CPQ: variants seen among roughly 807,000 people sequenced by gnomAD.
CPQ encodes the protein carboxypeptidase Q, also known as Ser-Met dipeptidase.
In CPQ, 37 loss-of-function variants were observed where a neutral mutation model predicts 45.7. The observed-to-expected ratio is 0.81, with a 90% CI of 0.62 to 1.07. The LOEUF is 1.07. Among genes scored for constraint, CPQ ranks in the 50% least tolerant of loss-of-function variants. The pLI is 0.00. For missense variants in CPQ, 537 were observed against 572.9 expected (o/e 0.94, Z 0.64); for synonymous variants, 186 against 205.8 (o/e 0.90, Z 0.82).
At chr8:96,729,094 A>G (rs1399743213) in intron 1 of CPQ, among the ~76,000 whole-genome samples, 1 of 152,240 alleles carries the variant, frequency 6.6e-6, no homozygotes, top group Non-Finnish European at 1.5e-5. Context: ...GTAATATAGC[A>G]TGCATGAGGT....
At chr8:96,724,865 G>T (rs1809816292) in intron 1 of CPQ, among the ~76,000 whole-genome samples, 1 of 152,062 alleles carries the variant, frequency 6.6e-6, no homozygotes, top group African/African-American at 2.4e-5. Context: ...ATACTATAAG[G>T]TAGTGGTACA....
chr8:96,924,805 G>A (rs1372675062), intron 4 of CPQ, among the ~76,000 whole-genome samples: 1 of 152,166 alleles, frequency 6.6e-6, no homozygotes, highest in Non-Finnish European at 1.5e-5. Context: ...ATAAACTTCT[G>A]TGGATATTAA....
chr8:96,744,449 T>C (rs1197314289), intron 1 of CPQ, among the ~76,000 whole-genome samples: 1 of 152,240 alleles, frequency 6.6e-6, no homozygotes, highest in Non-Finnish European at 1.5e-5. Context: ...GCGTCGGTCA[T>C]GCTGGGAGCT....
intron 4 of CPQ, among the ~76,000 whole-genome samples, chr8:96,928,667 C>G (rs528567533): frequency 1.3e-5 from 2 of 152,216 alleles, no homozygotes; most frequent in South Asian, 4.2e-4. Context: ...CTGCAGCCAC[C>G]GGGCTGTGCT....
chr8:96,976,781 T>C (rs1387296048), intron 5 of CPQ, among the ~76,000 whole-genome samples: 1 of 152,118 alleles, frequency 6.6e-6, no homozygotes, highest in Non-Finnish European at 1.5e-5. Flanking sequence ...GGTGCTGGGA[T>C]AATTGGCAAG....
intron 1 of CPQ, among the ~76,000 whole-genome samples, chr8:96,676,189 C>G (rs113453012): frequency 0.024 from 3,682 of 152,020 alleles, 163 homozygotes; most frequent in African/African-American, 0.084. Context: ...TGTCACCTTA[C>G]TATGCTGTCC....
chr8:96,841,935 T>A (rs938169270), intron 3 of CPQ, among the ~76,000 whole-genome samples: 4 of 152,226 alleles, frequency 2.6e-5, no homozygotes, highest in African/African-American at 9.6e-5. Flanking sequence ...AATGACATAA[T>A]TGAAGCAATG....
At chr8:96,910,335 C>A (rs1346893208) in intron 4 of CPQ, among the ~76,000 whole-genome samples, 1 of 152,018 alleles carries the variant, frequency 6.6e-6, no homozygotes, top group Non-Finnish European at 1.5e-5. Flanking sequence ...ATATCTAGAC[C>A]CTTTGCTACC....
At chr8:96,775,811 A>C (rs1412324529) in intron 1 of CPQ, among the ~76,000 whole-genome samples, 34 of 152,158 alleles carry the variant, frequency 2.2e-4, no homozygotes, top group Admixed American at 1.8e-3. Flanking sequence ...TTACCAGTAG[A>C]ATCTCCATAC....
Position 97,029,480 on chromosome 8 carries a change from T to C in CPQ, c.1039T>C (p.Tyr347His), listed in dbSNP as rs1809859735. ...EQGGVGAFQY[Y>H]QLHKVNISNY... is the part of the protein sequence containing the mutation. ...AGGTGGAGTTGGTGCCTTCCAGTAT[T>C]ATCAGTTACACAAGGTAAAAACCCA... Residue 347 changes from tyrosine (Y) to histidine (H), a missense_variant, in exon 6 of 8, where the codon TAT becomes CAT. Coordinates refer to ENST00000220763, the MANE Select transcript of CPQ (RefSeq NM_016134.4). The C allele has an allele frequency of 6.2e-7, 1 of 1,604,842 alleles. No individual in the cohort carries two copies. Among genetic ancestry groups the C allele is most frequent in the East Asian group, 2.2e-5 (1 of 44,754 alleles).
At chr8:96,761,867 G>C (rs2130792339) in intron 1 of CPQ, among the ~76,000 whole-genome samples, 1 of 152,300 alleles carries the variant, frequency 6.6e-6, no homozygotes, top group East Asian at 1.9e-4. Flanking sequence ...TACTATTTGT[G>C]TGACCTTCCT....
chr8:97,022,882 C>G (rs573928140), intron 5 of CPQ, among the ~76,000 whole-genome samples: 12 of 150,862 alleles, frequency 8.0e-5, no homozygotes, highest in African/African-American at 2.9e-4. Context: ...CCACTGGCTA[C>G]GTACCCAGTG....
At chr8:97,015,670 G>A (rs188567033) in intron 5 of CPQ, among the ~76,000 whole-genome samples, 40 of 152,126 alleles carry the variant, frequency 2.6e-4, no homozygotes, top group African/African-American at 9.1e-4. Context: ...CCTTTCTTTA[G>A]GGCATTGGTG....
chr8:96,674,272 C>T (rs570510302), intron 1 of CPQ, among the ~76,000 whole-genome samples: 6 of 152,080 alleles, frequency 3.9e-5, no homozygotes, highest in Admixed American at 3.9e-4. Context: ...AACCTTTTTT[C>T]CCCCTGTCCT....
intron 3 of CPQ, among the ~76,000 whole-genome samples, chr8:96,840,421 T>A (rs1811590764): frequency 6.6e-6 from 1 of 152,126 alleles, no homozygotes; most frequent in Non-Finnish European, 1.5e-5. Context: ...CAGTGGTTCT[T>A]GAAGTGTGGT....
chr8:96,649,892 G>C (rs914214266), intron 1 of CPQ, among the ~76,000 whole-genome samples: 1 of 152,188 alleles, frequency 6.6e-6, no homozygotes, highest in Non-Finnish European at 1.5e-5. Context: ...AAAGATTGGA[G>C]ACTCAAACAA....
chr8:97,118,631 C>T (rs889040489), intron 7 of CPQ, among the ~76,000 whole-genome samples: 9 of 152,064 alleles, frequency 5.9e-5, no homozygotes, highest in East Asian at 1.9e-4. Context: ...CACATTCTGC[C>T]GTCACGTAAT....
At chr8:97,016,780 C>T (rs1176747822) in intron 5 of CPQ, among the ~76,000 whole-genome samples, 1 of 152,050 alleles carries the variant, frequency 6.6e-6, no homozygotes, top group African/African-American at 2.4e-5. Flanking sequence ...GGAAGAAGAG[C>T]ATATACAAAA....
Position 96,737,254 on chromosome 8 carries a change from C to CA in CPQ, c.-34-47601dup, listed in dbSNP as rs771592276. 4.9e-3 allele frequency among the ~76,000 whole-genome samples: 609 copies of CA among 124,800 alleles called. 2 individuals are homozygous for CA. Among genetic ancestry groups the CA allele is most frequent in the African/African-American group, 0.018 (541 of 29,810 alleles). 81.9% of individuals were successfully genotyped at this position (124,800 alleles called of 152,430 possible). A position where few individuals can be genotyped will look rare whatever the true frequency, so the allele number is the denominator to read the frequency against. On this transcript the variant is annotated intron_variant, in intron 1 of 7. Transcript: ENST00000220763. ...ATACACACACACACACACACACACA[C>CA]AAAAAAAAACTAATAGGATATATAT...
Sources: gnomAD v4.1 joint callset for allele counts (sites outside exome capture counted in the v4.1 genomes callset) on GRCh38, gnomAD v4.1.1 for gene constraint, MANE v1.5 for transcripts, NCBI Gene and HGNC (gene_info 2026-07-23, HGNC 2026-07-21) for gene names.